The following SDK1 variants were observed in gnomAD, a reference collection of about 807,000 sequenced individuals.
SDK1 encodes the protein protein sidekick-1.
A neutral mutation model predicts 245.5 loss-of-function variants in SDK1; 157 were observed. The ratio of observed to expected loss-of-function variants is 0.64; its 90% CI spans 0.56 to 0.73. SDK1 has a LOEUF of 0.73. SDK1 is among the 30% of genes least tolerant of loss of function. The probability of loss-of-function intolerance (pLI) is 0.00; values close to 1 mark genes in which losing one functional copy is unlikely to be tolerated. For missense variants in SDK1, 3,583 were observed against 3,002.3 expected, an observed-to-expected ratio of 1.19 and a Z score of -4.52; for synonymous variants, 1,647 against 1,278.5, an observed-to-expected ratio of 1.29 and a Z score of -6.15.
At chr7:3,986,241 G>T (rs150189001) in intron 13 of SDK1, among the ~76,000 whole-genome samples, 1 of 151,304 alleles carries the variant, frequency 6.6e-6, no homozygotes, top group Admixed American at 6.6e-5. Flanking sequence ...GAATTTATTC[G>T]CTTTAATTGC....
chr7:3,305,351 C>T (rs924555111), intron 1 of SDK1, among the ~76,000 whole-genome samples: 6 of 152,052 alleles, frequency 3.9e-5, no homozygotes, highest in African/African-American at 1.4e-4. Context: ...ATTTTTAATC[C>T]TCGTGTTGGT....
At chr7:3,900,726 C>T (rs1447416277) in intron 5 of SDK1, among the ~76,000 whole-genome samples, 4 of 151,622 alleles carry the variant, frequency 2.6e-5, no homozygotes, top group Non-Finnish European at 5.9e-5. Flanking sequence ...TCCCCTCTCT[C>T]CCCCTCTCCA....
chr7:3,708,034 C>A (rs186025418), intron 4 of SDK1, among the ~76,000 whole-genome samples: 1 of 152,056 alleles, frequency 6.6e-6, no homozygotes, highest in African/African-American at 2.4e-5. Flanking sequence ...GCTCATGGTA[C>A]TGTAGGTTGT....
At chr7:3,788,893 G>C (rs1298682300) in intron 4 of SDK1, among the ~76,000 whole-genome samples, 1 of 152,152 alleles carries the variant, frequency 6.6e-6, no homozygotes, top group African/African-American at 2.4e-5. Flanking sequence ...CTCCTGCTCA[G>C]TCCTGAGAAG....
chr7:4,168,939 G>A (rs1163920194), intron 32 of SDK1, among the ~76,000 whole-genome samples: 2 of 152,168 alleles, frequency 1.3e-5, no homozygotes, highest in African/African-American at 4.8e-5. Context: ...GAACAGCAAG[G>A]ACAGGACTCC....
intron 4 of SDK1, among the ~76,000 whole-genome samples, chr7:3,647,715 T>G (rs565888227): frequency 6.6e-6 from 1 of 152,256 alleles, no homozygotes; most frequent in East Asian, 1.9e-4. Context: ...CAGACCACCG[T>G]GCCCGGCCAG....
intron 17 of SDK1, among the ~76,000 whole-genome samples, chr7:4,027,929 A>C (rs571841293): frequency 6.6e-6 from 1 of 151,894 alleles, no homozygotes; most frequent in Admixed American, 6.6e-5. Flanking sequence ...ATTAGGATCT[A>C]GATAGAATAA....
intron 4 of SDK1, among the ~76,000 whole-genome samples, chr7:3,683,520 C>G (rs1784174765): frequency 6.6e-6 from 1 of 152,176 alleles, no homozygotes; most frequent in Non-Finnish European, 1.5e-5. Context: ...ACAAGAAACT[C>G]ACATATACCT....
At chr7:3,779,938 CAAAAAAA>C (rs34979965) in intron 4 of SDK1, among the ~76,000 whole-genome samples, 621 of 46,632 alleles carry the variant, frequency 0.013, 2 homozygotes, top group African/African-American at 0.04. Context: ...GACTCCGTCT[CAAAAAAA>C]AAAAAAAAAA....
At chr7:3,530,545 A>C (rs1313341769) in intron 1 of SDK1, among the ~76,000 whole-genome samples, 1 of 152,248 alleles carries the variant, frequency 6.6e-6, no homozygotes, top group Non-Finnish European at 1.5e-5. Flanking sequence ...CATGCTTTGT[A>C]AAAGAAAAAT....
At chr7:3,398,922 C>G (rs1778807168) in intron 1 of SDK1, among the ~76,000 whole-genome samples, 2 of 151,990 alleles carry the variant, frequency 1.3e-5, no homozygotes, top group Admixed American at 1.3e-4. Context: ...ACTATTTGCC[C>G]TGAGACCTCA....
chr7:4,211,874 G>A lies in SDK1; in HGVS notation c.5539+1712G>A, dbSNP rs189654684. Among the ~76,000 whole-genome samples the A allele has an allele frequency of 5.2e-4, 79 of 152,336 alleles. 1 individual carries two copies. Among genetic ancestry groups the A allele is most frequent in the African/African-American group, 1.8e-3 (74 of 41,578 alleles). On this transcript the variant is annotated intron_variant, in intron 38 of 44. Coordinates refer to ENST00000404826, the MANE Select transcript of SDK1 (RefSeq NM_152744.4). ...TCCACCTGCCTCGGCCTCCCAAAGTGCTGGGATTACAGGCGTGAGCCACCG... is the reference window on the plus strand; with the variant it reads ...TCCACCTGCCTCGGCCTCCCAAAGTACTGGGATTACAGGCGTGAGCCACCG...
chr7:3,465,279 G>T (rs17133377), intron 1 of SDK1, among the ~76,000 whole-genome samples: 14,690 of 152,104 alleles, frequency 0.097, 863 homozygotes, highest in African/African-American at 0.16. Context: ...GAATGGTATC[G>T]TCTAGAGGTC....
chr7:3,434,777 C>A (rs182788884), intron 1 of SDK1, among the ~76,000 whole-genome samples: 2 of 152,236 alleles, frequency 1.3e-5, no homozygotes, highest in Non-Finnish European at 2.9e-5. Context: ...AGAGTTGGAA[C>A]CATCTGCAGG....
chr7:3,507,978 G>A (rs962431134), intron 1 of SDK1, among the ~76,000 whole-genome samples: 1 of 152,126 alleles, frequency 6.6e-6, no homozygotes, highest in Admixed American at 6.6e-5. Flanking sequence ...ACTGCTGACT[G>A]TCCTGGAATC....
chr7:3,679,947 C>T (rs1181952957), intron 4 of SDK1, among the ~76,000 whole-genome samples: 1 of 152,112 alleles, frequency 6.6e-6, no homozygotes, highest in Non-Finnish European at 1.5e-5. Flanking sequence ...CACAAAAATG[C>T]ACACGCAAAT....
chr7:4,212,094 C>G (rs1486900460), intron 38 of SDK1, among the ~76,000 whole-genome samples: 2 of 152,150 alleles, frequency 1.3e-5, no homozygotes, highest in Non-Finnish European at 1.5e-5. Flanking sequence ...CACAGACAGA[C>G]TGTAAAAATT....
chr7:3,349,609 T>C (rs889095375), intron 1 of SDK1, among the ~76,000 whole-genome samples: 1 of 151,480 alleles, frequency 6.6e-6, no homozygotes, highest in Non-Finnish European at 1.5e-5. Flanking sequence ...GTATCTTTTA[T>C]TTTTTTTTGA....
rs536421233 is a variant in SDK1 at position 3,871,737 on chromosome 7, C to T, written c.847+50154C>T. On this transcript the variant is annotated intron_variant, in intron 5 of 44. Transcript: ENST00000404826. ...AAGTATAGTGAATGACCAACCCTTT[C>T]GTGAGGGATCTGCCCCCATGACCCC... Among the ~76,000 whole-genome samples the T allele has an allele frequency of 9.3e-4, 141 of 152,312 alleles. 1 individual carries two copies. The highest frequency in any genetic ancestry group is 3.2e-3 in the African/African-American group (131 of 41,564).
Sources: gnomAD v4.1 joint callset for allele counts (sites outside exome capture counted in the v4.1 genomes callset) on GRCh38, gnomAD v4.1.1 for gene constraint, MANE v1.5 for transcripts, NCBI Gene and HGNC (gene_info 2026-07-23, HGNC 2026-07-21) for gene names.